ANKAR: variants seen among roughly 807,000 people sequenced by gnomAD.
ANKAR encodes ankyrin and armadillo repeat-containing protein.
In ANKAR, 136 loss-of-function variants were observed where a neutral mutation model predicts 146.2. The ratio of observed to expected loss-of-function variants is 0.93; its 90% CI spans 0.81 to 1.07. The LOEUF (loss-of-function observed/expected upper bound fraction) is 1.07. Ranked by LOEUF, ANKAR falls within the 50% of genes least tolerant of loss-of-function variation. ANKAR has a pLI of 0.00. For synonymous variants in ANKAR, 500 were observed against 575.8 expected (o/e 0.87, Z 1.88); for missense variants, 1,567 against 1,679.9 (o/e 0.93, Z 1.18).
rs1247934130 is a variant in ANKAR at position 189,738,623 on chromosome 2, G to T, written c.3641G>T (p.Gly1214Val). ...GACCATATTACTTTGTCTGCAAGAG[G>T]TGTTACTATTTTAGTTGATAGTCTG... ...DMDHITLSAR[G>V]VTILVDSLYS... The change falls in exon 19 of 23, where the codon GGT becomes GTT. Residue 1214 changes from glycine to valine, a missense_variant. Physicochemically the swap from Gly to Val is moderately radical, Grantham distance 109. Coordinates refer to ENST00000684021, the MANE Select transcript of ANKAR (RefSeq NM_001378068.1). The T allele has an allele frequency of 1.2e-6, 2 of 1,612,496 alleles. No homozygotes were observed. The highest frequency in any genetic ancestry group is 1.3e-5 in the African/African-American group (1 of 74,856).
chr2:189,721,700 G>T (rs1368377424), intron 12 of ANKAR, among the ~76,000 whole-genome samples: 3 of 152,160 alleles, frequency 2.0e-5, no homozygotes, highest in Non-Finnish European at 4.4e-5. Context: ...CATTTAACAG[G>T]TAAGTTCCAA....
At chr2:189,750,666 A>G, downstream of ANKAR, 1 of 1,561,582 alleles carries the variant, frequency 6.4e-7, no homozygotes, top group South Asian at 1.2e-5. Flanking sequence ...TCTACATCAT[A>G]AGCAGACAAA....
downstream of ANKAR, chr2:189,761,374 T>A: frequency 1.3e-6 from 2 of 1,553,196 alleles, no homozygotes; most frequent in Non-Finnish European, 1.7e-6. Context: ...AGAATGATTT[T>A]ACTTTTTCCA....
At chr2:189,681,859 A>G (rs1014824694) in intron 2 of ANKAR, among the ~76,000 whole-genome samples, 6 of 152,182 alleles carry the variant, frequency 3.9e-5, no homozygotes, top group Non-Finnish European at 7.3e-5. Flanking sequence ...CTGATATGAA[A>G]CTTATGTCTT....
Position 189,759,233 on chromosome 2 carries a change from T to A in ANKAR, c.*585-1865T>A, listed in dbSNP as rs527271751. Among the ~76,000 whole-genome samples, 192 of 151,944 alleles carry A rather than the reference T, an allele frequency of 1.3e-3. 2 individuals carry two copies. The highest frequency in any genetic ancestry group is 2.1e-3 in the Admixed American group (32 of 15,250). ...CTAATGCCACCCTCCCGTAATTCTATGAGGCAGATGTTAATTTTCCTTTTT... is the reference window on the plus strand; with the variant it reads ...CTAATGCCACCCTCCCGTAATTCTAAGAGGCAGATGTTAATTTTCCTTTTT... On this transcript the variant is annotated intron_variant and NMD_transcript_variant, in intron 18 of 18. Transcript: ENST00000441800.
At chr2:189,737,645 A>G (rs746222768) in intron 17 of ANKAR, 38 bp from the exon 18 acceptor site, 4 of 1,552,420 alleles carry the variant, frequency 2.6e-6, no homozygotes, top group Non-Finnish European at 3.5e-6. Flanking sequence ...AACATGATAA[A>G]TGAAGTTCAC....
chr2:189,677,045 A>G lies in ANKAR; in HGVS notation c.555A>G (p.Gly185=), dbSNP rs747209214. 1 of 1,595,940 alleles carries G rather than the reference A, an allele frequency of 6.3e-7. No homozygotes were observed. The highest frequency in any genetic ancestry group is 1.1e-5 in the South Asian group (1 of 88,892). ...CCATCATGGACATTGATCCTGATGGAAAACCTCAAACAAATAAAGACATTT... is the reference window on the plus strand; with the variant it reads ...CCATCATGGACATTGATCCTGATGGGAAACCTCAAACAAATAAAGACATTT... ...WRAIMDIDPD[G]KPQTNKDIFS... Residue 185 remains glycine, a synonymous_variant, in exon 2 of 23, where the codon GGA becomes GGG. Transcript: ENST00000684021.
In ANKAR at chr2:189,681,816, A is replaced by T. The variant is rs149527675; in HGVS notation, c.601+4725A>T. On this transcript the variant is annotated intron_variant, in intron 2 of 22. Transcript: ENST00000684021. Reference sequence around the variant, plus strand: ...TTCAGTATTTTAACAATGTGGTGTTATTGTTGCATATTAGCTAAATATCAG... The same window carrying T: ...TTCAGTATTTTAACAATGTGGTGTTTTTGTTGCATATTAGCTAAATATCAG... 4.8e-3 allele frequency among the ~76,000 whole-genome samples: 725 copies of T among 152,328 alleles called. 5 individuals are homozygous for T. Among genetic ancestry groups the T allele is most frequent in the African/African-American group, 0.017 (687 of 41,574 alleles).
downstream of ANKAR, chr2:189,761,639 ATACT>A: frequency 6.3e-7 from 1 of 1,582,572 alleles, no homozygotes; most frequent in Non-Finnish European, 8.6e-7. Context: ...CAAGATTAGC[ATACT>A]TACTCTATAG....
At chr2:189,697,367 T>C (rs773677300) in intron 7 of ANKAR, among the ~76,000 whole-genome samples, 40 of 152,012 alleles carry the variant, frequency 2.6e-4, no homozygotes, top group Non-Finnish European at 5.4e-4. Context: ...TATATGTAAA[T>C]TGTCAGGAAT....
chr2:189,746,816 A>T (rs1559155204), downstream of ANKAR: 2 of 584,326 alleles, frequency 3.4e-6, no homozygotes, highest in Non-Finnish European at 5.3e-6. Flanking sequence ...TGGTTTCAAA[A>T]AATTAGGATT....
chr2:189,756,042 CAG>C (rs2046029561), intron 18 of ANKAR, among the ~76,000 whole-genome samples: 1 of 152,098 alleles, frequency 6.6e-6, no homozygotes, highest in Non-Finnish European at 1.5e-5. Flanking sequence ...TATAAAGGGA[CAG>C]GGGGACTAAG....
At chr2:189,750,761 TA>T, downstream of ANKAR, 3 of 757,316 alleles carry the variant, frequency 4.0e-6, no homozygotes, top group Non-Finnish European at 6.1e-6. Context: ...ATCAAATATT[TA>T]ATTCATCATA....
chr2:189,694,107 G>A (rs1427798911), intron 5 of ANKAR, among the ~76,000 whole-genome samples: 1 of 151,610 alleles, frequency 6.6e-6, no homozygotes, highest in East Asian at 2.0e-4. Context: ...GCACATGCCT[G>A]TAGTCACACC....
At chr2:189,675,338 T>G (rs2033377859) in intron 1 of ANKAR, among the ~76,000 whole-genome samples, 2 of 152,186 alleles carry the variant, frequency 1.3e-5, no homozygotes, top group African/African-American at 2.4e-5. Flanking sequence ...GGCACAGAAA[T>G]TGAAGGTTAA....
At chr2:189,745,024 C>A (rs201214006) in intron 22 of ANKAR, among the ~76,000 whole-genome samples, 1,941 of 33,808 alleles carry the variant, frequency 0.057, 33 homozygotes, top group African/African-American at 0.072. Flanking sequence ...ACTACTACTA[C>A]TACTAATAAT....
intron 7 of ANKAR, among the ~76,000 whole-genome samples, chr2:189,704,616 C>A (rs2038664049): frequency 9.2e-6 from 1 of 108,126 alleles, no homozygotes. Context: ...TTCAAAGGAT[C>A]TTATCTTCAA....
At chr2:189,714,384 A>G (rs1441431352) in intron 10 of ANKAR, among the ~76,000 whole-genome samples, 1 of 152,218 alleles carries the variant, frequency 6.6e-6, no homozygotes, top group African/African-American at 2.4e-5. Flanking sequence ...CAGCAAATGT[A>G]AAAGAAAAGA....
intron 2 of ANKAR, among the ~76,000 whole-genome samples, chr2:189,682,399 C>A (rs1187924725): frequency 6.6e-6 from 1 of 152,058 alleles, no homozygotes; most frequent in Non-Finnish European, 1.5e-5. Context: ...GAAACTTCAA[C>A]AATGTGTGGT....
Sources: gnomAD v4.1 joint callset for allele counts (sites outside exome capture counted in the v4.1 genomes callset) on GRCh38, gnomAD v4.1.1 for gene constraint, MANE v1.5 for transcripts, NCBI Gene and HGNC (gene_info 2026-07-23, HGNC 2026-07-21) for gene names.